The following MAL2 variants were observed in gnomAD, a reference collection of about 807,000 sequenced individuals.
MAL2 encodes the protein mal, T cell differentiation protein 2.
Under a neutral mutation model 18.1 loss-of-function variants are expected in MAL2, and 17 were observed. The observed-to-expected ratio is 0.94, with a 90% confidence interval of 0.64 to 1.41. MAL2 has a LOEUF of 1.41. Among genes scored for constraint, MAL2 ranks in the 40% most tolerant of loss-of-function variants. The pLI is 0.00. For missense variants in MAL2, 222 were observed against 231.9 expected (o/e 0.96, Z 0.28); for synonymous variants, 102 against 102.3 (o/e 1.00, Z 0.02).
At chr8:119,238,812 C>T (rs1192001048) in intron 2 of MAL2, among the ~76,000 whole-genome samples, 1 of 151,094 alleles carries the variant, frequency 6.6e-6, no homozygotes, top group Non-Finnish European at 1.5e-5. Flanking sequence ...AGACCTAAAA[C>T]CATAAAAACC....
chr8:119,217,189 G>A (rs925301354), intron 1 of MAL2, among the ~76,000 whole-genome samples: 4 of 152,196 alleles, frequency 2.6e-5, no homozygotes, highest in South Asian at 2.1e-4. Context: ...AAATACTTCC[G>A]TGGTTTTCTT....
Position 119,208,663 on chromosome 8 carries a change from T to G in MAL2, c.132+59T>G, listed in dbSNP as rs1311922851. 24 of 1,247,714 alleles carry G rather than the reference T, an allele frequency of 1.9e-5. No individual in the cohort carries two copies. The highest frequency in any genetic ancestry group is 2.3e-5 in the Non-Finnish European group (23 of 994,216). 77.3% of individuals were successfully genotyped at this position (1,247,714 alleles called of 1,614,324 possible). A position where few individuals can be genotyped will look rare whatever the true frequency, so the allele number is the denominator to read the frequency against. On this transcript the variant is annotated intron_variant, in intron 1 of 3. Coordinates refer to ENST00000614891, the MANE Select transcript of MAL2 (RefSeq NM_052886.3). The surrounding 1 kb of genome is among the most constrained non-coding windows in gnomAD (Gnocchi z 4.3). ...GGAGCGAGGACAGGCGGCGGCATCC[T>G]TGTCCCCCGGGCTGTCTTCCTCTGC...
intron 2 of MAL2, among the ~76,000 whole-genome samples, chr8:119,232,013 A>G (rs1182067232): frequency 6.6e-6 from 1 of 152,176 alleles, no homozygotes; most frequent in Non-Finnish European, 1.5e-5. Flanking sequence ...ACTATAGTTA[A>G]TAACAGTGTA....
chr8:119,241,949 C>T (rs752180009), intron 3 of MAL2, among the ~76,000 whole-genome samples: 2 of 152,040 alleles, frequency 1.3e-5, no homozygotes, highest in Non-Finnish European at 2.9e-5. Flanking sequence ...CCATATCATC[C>T]CTGAGGATGA....
chr8:119,238,143 C>G (rs1817954674), intron 2 of MAL2, among the ~76,000 whole-genome samples: 1 of 152,218 alleles, frequency 6.6e-6, no homozygotes, highest in African/African-American at 2.4e-5. Context: ...ATACCAATAA[C>G]ATACAAACAG....
chr8:119,241,146 A>G (rs1331969940), intron 3 of MAL2, among the ~76,000 whole-genome samples: 3 of 152,186 alleles, frequency 2.0e-5, no homozygotes, highest in Non-Finnish European at 4.4e-5. Flanking sequence ...AGCACTGTCT[A>G]GTAGAACTTT....
intron 2 of MAL2, among the ~76,000 whole-genome samples, chr8:119,222,829 C>CAA (rs11309798): frequency 2.4e-4 from 26 of 107,402 alleles, no homozygotes; most frequent in African/African-American, 3.3e-4. Context: ...CCTTGTCTCT[C>CAA]AAAAAAAAAA....
chr8:119,236,539 T>G (rs201830630), intron 2 of MAL2, among the ~76,000 whole-genome samples: 1 of 151,252 alleles, frequency 6.6e-6, no homozygotes, highest in Non-Finnish European at 1.5e-5. Flanking sequence ...ACCACATAGT[T>G]GGAAGTAAAG....
chr8:119,236,250 T>TA (rs1362828773), intron 2 of MAL2, among the ~76,000 whole-genome samples: 2 of 128,952 alleles, frequency 1.6e-5, no homozygotes, highest in African/African-American at 6.3e-5. Flanking sequence ...CTAACTATCC[T>TA]AAATATATAT....
chr8:119,221,766 TTTTTA>T lies in MAL2; in HGVS notation c.303+15_303+19del. On this transcript the variant is annotated intron_variant, in intron 2 of 3. Transcript: ENST00000614891. ...CTAACTGGAACTTCCTGGTAAGGAC[TTTTTA>T]TTTTAAGTCTATTGCAGGAAGATGG... 2.5e-6 allele frequency: 4 copies of T among 1,612,692 alleles called. No homozygotes were observed. Among genetic ancestry groups the T allele is most frequent in the Non-Finnish European group, 3.4e-6 (4 of 1,179,202 alleles).
At chr8:119,214,008 G>A (rs1817305204) in intron 1 of MAL2, among the ~76,000 whole-genome samples, 1 of 152,112 alleles carries the variant, frequency 6.6e-6, no homozygotes, top group South Asian at 2.1e-4. Context: ...AGCTCCAAAG[G>A]AAAAAGTCAT....
intron 1 of MAL2, among the ~76,000 whole-genome samples, chr8:119,209,906 C>G (rs1817244512): frequency 6.6e-6 from 1 of 152,080 alleles, no homozygotes; most frequent in African/African-American, 2.4e-5. Context: ...GTGGGAAGAG[C>G]GGAGAGACGA....
intron 3 of MAL2, 108 bp from the exon 4 acceptor site, chr8:119,243,309 G>T: frequency 1.6e-6 from 1 of 623,122 alleles, no homozygotes; most frequent in Non-Finnish European, 2.5e-6. Context: ...AAGTGTCGAA[G>T]TATCTTTAGG....
intron 2 of MAL2, chr8:119,223,448 A>T (rs189874325): frequency 6.6e-6 from 1 of 152,234 alleles, no homozygotes; most frequent in Admixed American, 6.5e-5. Context: ...TTATTAATTT[A>T]TTTGTTTTCC....
At chr8:119,212,012 A>T (rs138206717) in intron 1 of MAL2, among the ~76,000 whole-genome samples, 5 of 152,360 alleles carry the variant, frequency 3.3e-5, no homozygotes, top group African/African-American at 1.2e-4. Flanking sequence ...CTTCCTCACC[A>T]GAAAGACCTA....
intron 1 of MAL2, among the ~76,000 whole-genome samples, chr8:119,218,800 T>G (rs1168761629): frequency 6.6e-6 from 1 of 152,248 alleles, no homozygotes; most frequent in African/African-American, 2.4e-5. Context: ...TATGTTTATC[T>G]ATTTGGCTCT....
chr8:119,234,643 C>A (rs1267182197), intron 2 of MAL2, among the ~76,000 whole-genome samples: 2 of 151,852 alleles, frequency 1.3e-5, no homozygotes, highest in Non-Finnish European at 2.9e-5. Context: ...TCAAGTGGGT[C>A]CCTGACCCCT....
At chr8:119,235,825 G>C (rs1278089792) in intron 2 of MAL2, among the ~76,000 whole-genome samples, 7 of 135,640 alleles carry the variant, frequency 5.2e-5, no homozygotes, top group Admixed American at 4.5e-4. Flanking sequence ...ACCGGTACCA[G>C]CCGCTGCAAA....
At chr8:119,217,327 C>T (rs1817373479) in intron 1 of MAL2, among the ~76,000 whole-genome samples, 1 of 152,132 alleles carries the variant, frequency 6.6e-6, no homozygotes, top group African/African-American at 2.4e-5. Flanking sequence ...AACTGCAACT[C>T]AGAATATATT....
Sources: allele counts gnomAD v4.1 joint callset (sites outside exome capture counted in the v4.1 genomes callset), GRCh38; gene constraint gnomAD v4.1.1; non-coding constraint Gnocchi (gnomAD v3.1); transcripts MANE v1.5; gene names NCBI Gene and HGNC (gene_info 2026-07-23, HGNC 2026-07-21).